The following LRP1B variants were observed in gnomAD, a reference collection of about 807,000 sequenced individuals.
The protein encoded by LRP1B is LDL receptor related protein 1B, also known as low-density lipoprotein receptor-related protein 1B.
Under a neutral mutation model 556.6 loss-of-function variants are expected in LRP1B, and 217 were observed. That is an observed-to-expected ratio of 0.39 (90% CI 0.35 to 0.44). The LOEUF (loss-of-function observed/expected upper bound fraction) is 0.44. Among genes scored for constraint, LRP1B ranks in the 20% least tolerant of loss-of-function variants. The pLI is 1.00. For synonymous variants in LRP1B, 2,047 were observed against 1,865.8 expected, an observed-to-expected ratio of 1.10 and a Z score of -2.50; for missense variants, 5,053 against 5,620.8, an observed-to-expected ratio of 0.90 and a Z score of 3.23.
intron 32 of LRP1B, among the ~76,000 whole-genome samples, chr2:140,811,031 G>T (rs897064120): frequency 1.3e-5 from 2 of 152,050 alleles, no homozygotes; most frequent in Admixed American, 1.3e-4. Flanking sequence ...CACTGTGCCC[G>T]GCCAAGAGGT....
At chr2:140,830,364 C>T (rs1239467369) in intron 31 of LRP1B, among the ~76,000 whole-genome samples, 1 of 152,020 alleles carries the variant, frequency 6.6e-6, no homozygotes, top group African/African-American at 2.4e-5. Flanking sequence ...AAAATACTAA[C>T]AAACCAAATT....
chr2:140,963,974 C>T (rs967225577), intron 18 of LRP1B, among the ~76,000 whole-genome samples: 16 of 152,098 alleles, frequency 1.1e-4, no homozygotes, highest in Non-Finnish European at 2.1e-4. Flanking sequence ...GGACCACTAC[C>T]ACCAATGCGC....
chr2:142,061,906 C>T (rs953979351), intron 1 of LRP1B, among the ~76,000 whole-genome samples: 8 of 151,846 alleles, frequency 5.3e-5, no homozygotes, highest in African/African-American at 1.9e-4. Flanking sequence ...TGAAATTCCT[C>T]CCTATCTTGA....
chr2:141,032,455 C>T (rs1385594247), intron 11 of LRP1B, among the ~76,000 whole-genome samples: 1 of 151,944 alleles, frequency 6.6e-6, no homozygotes, highest in African/African-American at 2.4e-5. Context: ...TACATTCTCC[C>T]CAGTAGTGTG....
chr2:141,131,726 G>T (rs1446486567), intron 7 of LRP1B, among the ~76,000 whole-genome samples: 2 of 151,806 alleles, frequency 1.3e-5, no homozygotes, highest in Non-Finnish European at 2.9e-5. Flanking sequence ...AGAGGGAAAT[G>T]CAAATTAAAT....
chr2:141,388,407 G>A (rs1049060388), intron 3 of LRP1B, among the ~76,000 whole-genome samples: 16 of 152,106 alleles, frequency 1.1e-4, no homozygotes, highest in Non-Finnish European at 2.4e-4. Context: ...CTGCACTCAA[G>A]CCTGGGCGAC....
intron 82 of LRP1B, among the ~76,000 whole-genome samples, chr2:140,316,808 C>A (rs1055779760): frequency 1.3e-5 from 2 of 152,094 alleles, no homozygotes; most frequent in African/African-American, 4.8e-5. Context: ...ATGTACCATA[C>A]ACACATATAC....
intron 3 of LRP1B, among the ~76,000 whole-genome samples, chr2:141,351,953 C>A (rs1688460585): frequency 6.6e-6 from 1 of 151,728 alleles, no homozygotes; most frequent in East Asian, 1.9e-4. Context: ...ACAAAAACAT[C>A]CTAGAGACAT....
intron 3 of LRP1B, among the ~76,000 whole-genome samples, chr2:141,389,453 A>T (rs4281851): frequency 0.11 from 17,331 of 152,248 alleles, 2,624 homozygotes; most frequent in African/African-American, 0.35. Context: ...ATTTCACACC[A>T]TACGCAAAAA....
intron 3 of LRP1B, among the ~76,000 whole-genome samples, chr2:141,345,162 G>T (rs181578790): frequency 1.3e-5 from 2 of 149,246 alleles, no homozygotes; most frequent in Non-Finnish European, 3.0e-5. Flanking sequence ...GATTTTAGAA[G>T]CCAGGAAAAA....
At chr2:140,969,846 G>GC (rs1345145734) in intron 18 of LRP1B, among the ~76,000 whole-genome samples, 1 of 152,090 alleles carries the variant, frequency 6.6e-6, no homozygotes, top group Non-Finnish European at 1.5e-5. Flanking sequence ...TTGAATATTG[G>GC]CCCCCACTCT....
intron 3 of LRP1B, among the ~76,000 whole-genome samples, chr2:141,355,363 T>C (rs1238990451): frequency 6.6e-6 from 1 of 152,046 alleles, no homozygotes; most frequent in Non-Finnish European, 1.5e-5. Context: ...TTCCCTGGTT[T>C]TGAGTATACC....
intron 1 of LRP1B, among the ~76,000 whole-genome samples, chr2:142,049,730 G>A (rs1704382335): frequency 6.6e-6 from 1 of 152,032 alleles, no homozygotes; most frequent in African/African-American, 2.4e-5. Flanking sequence ...TGAAAGAGTG[G>A]CAGATGCACA....
chr2:141,160,534 T>C (rs1367362955), intron 7 of LRP1B, among the ~76,000 whole-genome samples: 1 of 151,996 alleles, frequency 6.6e-6, no homozygotes, highest in African/African-American at 2.4e-5. Context: ...ATAAATATCA[T>C]CTGGTACAGC....
rs1300983294 is a variant in LRP1B, at chr2:140,686,187, G to A, written c.6799+14063C>T. 2.6e-5 allele frequency among the ~76,000 whole-genome samples: 4 copies of A among 152,120 alleles called. No individual in the cohort carries two copies. In the South Asian group the frequency reaches 8.3e-4, roughly 31 times the overall value. On this transcript the variant is annotated intron_variant, in intron 41 of 90. Coordinates refer to ENST00000389484, the MANE Select transcript of LRP1B (RefSeq NM_018557.3). ...AGGACAGGGTGGATTTAAGGTAGTA[G>A]GGAGATTTGTGGTGAGATGGATTAA...
At chr2:142,070,704 TATTG>T (rs1705280405) in intron 1 of LRP1B, among the ~76,000 whole-genome samples, 1 of 151,892 alleles carries the variant, frequency 6.6e-6, no homozygotes, top group African/African-American at 2.4e-5. Flanking sequence ...TTGATATTGA[TATTG>T]ATTAAACCAC....
intron 15 of LRP1B, among the ~76,000 whole-genome samples, chr2:140,994,978 C>G (rs1697200375): frequency 6.6e-6 from 1 of 151,926 alleles, no homozygotes; most frequent in Non-Finnish European, 1.5e-5. Flanking sequence ...TTGGGTTATT[C>G]TTGCTGTATA....
chr2:140,884,781 C>T (rs780756480), intron 24 of LRP1B, among the ~76,000 whole-genome samples: 14 of 152,140 alleles, frequency 9.2e-5, no homozygotes, highest in South Asian at 2.1e-4. Flanking sequence ...GGTGTGATCA[C>T]GGCTCATTGC....
At chr2:141,497,440 T>G (rs1208051035) in intron 2 of LRP1B, among the ~76,000 whole-genome samples, 1 of 151,988 alleles carries the variant, frequency 6.6e-6, no homozygotes, top group Non-Finnish European at 1.5e-5. Flanking sequence ...AAAAAACACC[T>G]CTGGTAGCAA....
Sources: gnomAD v4.1 joint callset for allele counts (sites outside exome capture counted in the v4.1 genomes callset) on GRCh38, gnomAD v4.1.1 for gene constraint, MANE v1.5 for transcripts, NCBI Gene and HGNC (gene_info 2026-07-23, HGNC 2026-07-21) for gene names.